Variants in PTPRD observed in about 807,000 individuals in gnomAD.
The protein encoded by PTPRD is receptor-type tyrosine-protein phosphatase delta.
A neutral mutation model predicts 214.5 loss-of-function variants in PTPRD; 34 were observed. That is an observed-to-expected ratio of 0.16 (90% CI 0.12 to 0.21). The LOEUF (loss-of-function observed/expected upper bound fraction) is 0.21. PTPRD is among the 10% of genes least tolerant of loss of function. The pLI is 1.00. For synonymous variants in PTPRD, 1,128 were observed against 845.7 expected, an observed-to-expected ratio of 1.33 and a Z score of -5.79; for missense variants, 2,545 against 2,398.7, an observed-to-expected ratio of 1.06 and a Z score of -1.27.
At chr9:9,308,794 T>C (rs1288206238) in intron 9 of PTPRD, among the ~76,000 whole-genome samples, 1 of 152,316 alleles carries the variant, frequency 6.6e-6, no homozygotes, top group East Asian at 1.9e-4. Context: ...AATATTTTAA[T>C]GTTGAATTTT....
At position 8,404,761 on chromosome 9, in the gene PTPRD, C is replaced by T. The variant is rs140744584; in HGVS notation, c.4087-101G>A. The T allele has an allele frequency of 1.2e-3, 1,610 of 1,379,292 alleles. 5 individuals carry two copies. In the African/African-American group the frequency reaches 0.013, roughly 11 times the overall value. The allele number at this position is 1,379,292 out of a possible 1,614,324, so 85.4% of individuals were successfully genotyped here. A position where few individuals can be genotyped will look rare whatever the true frequency, so the allele number is the denominator to read the frequency against. The stretch of plus-strand genomic sequence containing the variant: ...ATAAACATGATTTAAAAGGAAAATT[C>T]TGAAGCCATACTTCATCAAGATGAT... On this transcript the variant is annotated intron_variant, in intron 35 of 45. Transcript: ENST00000381196.
intron 2 of PTPRD, among the ~76,000 whole-genome samples, chr9:10,598,666 A>ATGTG (rs750404681): frequency 1.0e-5 from 1 of 98,324 alleles, no homozygotes; most frequent in Admixed American, 1.0e-4. Flanking sequence ...AACCATTTTT[A>ATGTG]TATATGTATG....
intron 11 of PTPRD, among the ~76,000 whole-genome samples, chr9:8,901,055 G>A (rs964990758): frequency 6.6e-6 from 1 of 152,184 alleles, no homozygotes; most frequent in Non-Finnish European, 1.5e-5. Flanking sequence ...GAAAAGGACA[G>A]TATCAGGACA....
chr9:8,576,782 C>A (rs1419274400), intron 14 of PTPRD, among the ~76,000 whole-genome samples: 1 of 152,172 alleles, frequency 6.6e-6, no homozygotes, highest in Non-Finnish European at 1.5e-5. Context: ...TCCCTGCAAT[C>A]CTAATCTCAG....
chr9:9,770,077 A>T (rs1353518034), intron 5 of PTPRD, among the ~76,000 whole-genome samples: 1 of 152,216 alleles, frequency 6.6e-6, no homozygotes, highest in Non-Finnish European at 1.5e-5. Context: ...ATTCATGTGC[A>T]TGTGACTTTA....
intron 10 of PTPRD, among the ~76,000 whole-genome samples, chr9:9,173,705 A>G (rs1448567090): frequency 6.6e-6 from 1 of 152,182 alleles, no homozygotes; most frequent in Non-Finnish European, 1.5e-5. Context: ...ATGCTCTTAC[A>G]GGACCACTGC....
intron 11 of PTPRD, among the ~76,000 whole-genome samples, chr9:8,807,959 A>G (rs1383441262): frequency 6.6e-6 from 1 of 152,216 alleles, no homozygotes; most frequent in Non-Finnish European, 1.5e-5. Flanking sequence ...TTGTATGTTA[A>G]GTTCTACATA....
intron 3 of PTPRD, among the ~76,000 whole-genome samples, chr9:10,134,110 C>T (rs529713166): frequency 8.5e-5 from 13 of 152,228 alleles, no homozygotes; most frequent in Non-Finnish European, 1.8e-4. Flanking sequence ...AGCAACACTA[C>T]CCTGCCCAGA....
At chr9:9,662,355 A>G (rs539731888) in intron 7 of PTPRD, among the ~76,000 whole-genome samples, 2 of 151,814 alleles carry the variant, frequency 1.3e-5, no homozygotes, top group South Asian at 4.1e-4. Flanking sequence ...CTGCACTTGC[A>G]TTTCCTGAAG....
At chr9:9,014,950 G>A (rs1242876558) in intron 11 of PTPRD, among the ~76,000 whole-genome samples, 1 of 152,004 alleles carries the variant, frequency 6.6e-6, no homozygotes, top group African/African-American at 2.4e-5. Flanking sequence ...GTATTTATAA[G>A]TGTGTGTGTA....
intron 9 of PTPRD, among the ~76,000 whole-genome samples, chr9:9,195,086 G>GTGTATATATATATATA (rs1554959656): frequency 1.5e-4 from 20 of 131,170 alleles, no homozygotes; most frequent in Non-Finnish European, 2.7e-4. Context: ...GTGTGTTTGT[G>GTGTATATATATATATA]TATATATATA....
chr9:8,998,330 C>T (rs1256054021), intron 11 of PTPRD, among the ~76,000 whole-genome samples: 2 of 151,950 alleles, frequency 1.3e-5, no homozygotes, highest in African/African-American at 2.4e-5. Flanking sequence ...GAAGACAATA[C>T]TCATTTACCA....
At chr9:9,110,883 G>A (rs976305534) in intron 10 of PTPRD, among the ~76,000 whole-genome samples, 1 of 152,074 alleles carries the variant, frequency 6.6e-6, no homozygotes, top group African/African-American at 2.4e-5. Context: ...TATCACCTGT[G>A]GCTTTTGTGT....
At chr9:9,492,218 C>T (rs995333157) in intron 8 of PTPRD, among the ~76,000 whole-genome samples, 1 of 150,772 alleles carries the variant, frequency 6.6e-6, no homozygotes, top group Non-Finnish European at 1.5e-5. Flanking sequence ...ATGAATAGAC[C>T]TATAACTAGC....
chr9:8,607,771 A>G (rs2154286169), intron 14 of PTPRD, among the ~76,000 whole-genome samples: 1 of 152,362 alleles, frequency 6.6e-6, no homozygotes, highest in African/African-American at 2.4e-5. Context: ...GTGGAGATTC[A>G]TAGAATAGTC....
At chr9:8,409,380 G>A (rs1449324584) in intron 35 of PTPRD, among the ~76,000 whole-genome samples, 1 of 152,172 alleles carries the variant, frequency 6.6e-6, no homozygotes, top group African/African-American at 2.4e-5. Context: ...TTAAGCTGGA[G>A]AAGATTCCTT....
intron 11 of PTPRD, among the ~76,000 whole-genome samples, chr9:8,901,875 C>T (rs996762421): frequency 6.6e-6 from 1 of 152,068 alleles, no homozygotes; most frequent in Non-Finnish European, 1.5e-5. Context: ...TGATGAAATC[C>T]TTCTCTGAAA....
intron 4 of PTPRD, among the ~76,000 whole-genome samples, chr9:9,998,115 TAAAAAA>T (rs1158744931): frequency 2.8e-5 from 3 of 105,818 alleles, no homozygotes; most frequent in Admixed American, 1.0e-4. Flanking sequence ...TAAAGTATAA[TAAAAAA>T]AAAAAAAAAT....
intron 3 of PTPRD, among the ~76,000 whole-genome samples, chr9:10,131,698 C>T (rs1304499205): frequency 6.6e-6 from 1 of 152,046 alleles, no homozygotes; most frequent in Non-Finnish European, 1.5e-5. Flanking sequence ...TAATATTTAA[C>T]TCAGAAGTGT....
Sources: allele counts gnomAD v4.1 joint callset (sites outside exome capture counted in the v4.1 genomes callset), GRCh38; gene constraint gnomAD v4.1.1; transcripts MANE v1.5; gene names NCBI Gene and HGNC (gene_info 2026-07-23, HGNC 2026-07-21).